The following GABRB3 variants were observed in gnomAD, a reference collection of about 807,000 sequenced individuals.
GABRB3 encodes gamma-aminobutyric acid receptor subunit beta-3.
GABRB3 carries 14 observed loss-of-function variants against 52.1 expected under a neutral mutation model. The ratio of observed to expected loss-of-function variants is 0.27; its 90% CI spans 0.18 to 0.42. GABRB3 has a LOEUF of 0.42. GABRB3 is among the 10% of genes least tolerant of loss of function. The pLI is 1.00. For synonymous variants in GABRB3, 260 were observed against 232.3 expected, an observed-to-expected ratio of 1.12 and a Z score of -1.08; for missense variants, 307 against 609.1, an observed-to-expected ratio of 0.50 and a Z score of 5.22.
intron 4 of GABRB3, among the ~76,000 whole-genome samples, chr15:26,589,933 G>A (rs977936429): frequency 2.6e-5 from 4 of 152,146 alleles, no homozygotes; most frequent in East Asian, 1.9e-4. Context: ...TGGCTTTAAT[G>A]TCCCAAATGT....
intron 3 of GABRB3, among the ~76,000 whole-genome samples, chr15:26,682,103 G>A (rs1215754383): frequency 6.6e-6 from 1 of 152,000 alleles, no homozygotes. Context: ...TTTACCCTTA[G>A]GTTTGTCCTT....
chr15:26,726,059 T>C (rs1889762767), intron 3 of GABRB3, among the ~76,000 whole-genome samples: 1 of 152,280 alleles, frequency 6.6e-6, no homozygotes, highest in South Asian at 2.1e-4. Flanking sequence ...AATCTGGGTG[T>C]GCTGGGCATG....
intron 3 of GABRB3, chr15:26,624,130 C>T (rs1056831044): frequency 7.5e-6 from 7 of 936,602 alleles, no homozygotes; most frequent in Non-Finnish European, 7.6e-6. Flanking sequence ...GAAAGGTTCT[C>T]GGACACTGGG....
intron 3 of GABRB3, among the ~76,000 whole-genome samples, chr15:26,755,407 C>G (rs994459551): frequency 6.6e-6 from 1 of 152,106 alleles, no homozygotes; most frequent in Non-Finnish European, 1.5e-5. Context: ...GTCTGAATGA[C>G]TAAACCAAAA....
intron 3 of GABRB3, among the ~76,000 whole-genome samples, chr15:26,717,571 C>T (rs1315719643): frequency 3.3e-5 from 5 of 152,328 alleles, no homozygotes; most frequent in African/African-American, 7.2e-5. Context: ...TTCCCAACAA[C>T]GCTCATCCAG....
intron 3 of GABRB3, among the ~76,000 whole-genome samples, chr15:26,687,708 A>G (rs929255527): frequency 6.6e-6 from 1 of 152,238 alleles, no homozygotes; most frequent in Non-Finnish European, 1.5e-5. Flanking sequence ...AAAATGGGGC[A>G]GGTCTTGCAT....
chr15:26,662,961 T>A (rs1259553990), intron 3 of GABRB3, among the ~76,000 whole-genome samples: 2 of 152,234 alleles, frequency 1.3e-5, no homozygotes, highest in Non-Finnish European at 2.9e-5. Flanking sequence ...CCCCCAAGGC[T>A]GTCATCTGGC....
At chr15:26,640,495 C>T (rs1429472148) in intron 3 of GABRB3, among the ~76,000 whole-genome samples, 4 of 151,826 alleles carry the variant, frequency 2.6e-5, no homozygotes, top group Non-Finnish European at 5.9e-5. Flanking sequence ...CCAGCCTGGG[C>T]GACAGAGCGA....
intron 3 of GABRB3, among the ~76,000 whole-genome samples, chr15:26,649,732 G>A (rs903750790): frequency 4.0e-5 from 6 of 150,574 alleles, no homozygotes; most frequent in Admixed American, 1.3e-4. Context: ...GAGAAGATAA[G>A]TCGATAAAAG....
chr15:26,642,580 T>C, intron 3 of GABRB3: 1 of 1,050,422 alleles, frequency 9.5e-7, no homozygotes, highest in Admixed American at 2.3e-5. Context: ...GTTCTCATGC[T>C]AAAAATAGTC....
rs529399494 is a variant in GABRB3 at position 26,728,166 on chromosome 15, C to T, written c.240+44236G>A. ...GGGAAACAACTGAGGGATTCTCTGT[C>T]AAATGGCTTATGATACCTCATTCTA... On this transcript the variant is annotated intron_variant, in intron 3 of 8. Coordinates refer to ENST00000311550, the MANE Select transcript of GABRB3 (RefSeq NM_000814.6). Among the ~76,000 whole-genome samples, 11 of 152,286 alleles carry T rather than the reference C, an allele frequency of 7.2e-5. No homozygotes were observed. The East Asian group carries it at 1.9e-3, about 27-fold the overall frequency.
chr15:26,725,674 GT>G (rs1467874370), intron 3 of GABRB3, among the ~76,000 whole-genome samples: 1 of 152,056 alleles, frequency 6.6e-6, no homozygotes, highest in Non-Finnish European at 1.5e-5. Flanking sequence ...CAAATTTGGA[GT>G]TTTTTTCATA....
At chr15:26,743,319 C>T (rs1451109854) in intron 3 of GABRB3, among the ~76,000 whole-genome samples, 3 of 152,094 alleles carry the variant, frequency 2.0e-5, no homozygotes, top group Non-Finnish European at 4.4e-5. Flanking sequence ...CAGCCCCTAA[C>T]ACACCCCTCA....
Position 26,546,108 on chromosome 15 carries a change from T to G in GABRB3, c.*1685A>C, listed in dbSNP as rs1387490743. 6.6e-6 allele frequency: 1 copy of G among 152,604 alleles called. No individual in the cohort carries two copies. Among genetic ancestry groups the G allele is most frequent in the Admixed American group, 6.5e-5 (1 of 15,276 alleles). The allele number at this position is 152,604 out of a possible 1,614,324, so 9.5% of individuals were successfully genotyped here. A position where few individuals can be genotyped will look rare whatever the true frequency, so the allele number is the denominator to read the frequency against. The stretch of plus-strand genomic sequence containing the variant: ...ATTGGAGCACTCTGGTCCTTGGTTT[T>G]GGATAGAACAGAGAGGGTGAGGCAT... On this transcript the variant is annotated 3_prime_UTR_variant, in exon 9 of 9. Transcript: ENST00000311550.
chr15:26,772,536 TG>T, intron 2 of GABRB3, 67 bp from the exon 3 acceptor site: 4 of 1,536,414 alleles, frequency 2.6e-6, no homozygotes, highest in Admixed American at 1.9e-5. Flanking sequence ...CTCTGAGGAC[TG>T]GGGGCTATCC....
intron 4 of GABRB3, chr15:26,614,865 T>C (rs561350230): frequency 2.0e-5 from 3 of 152,226 alleles, no homozygotes; most frequent in Non-Finnish European, 2.9e-5. Context: ...AACTTTATAA[T>C]GTACTGTCCA....
chr15:26,691,326 C>A lies in GABRB3; in HGVS notation c.241-69792G>T, dbSNP rs529029192. Among the ~76,000 whole-genome samples the A allele has an allele frequency of 1.3e-5, 2 of 152,208 alleles. 1 individual carries two copies. Among genetic ancestry groups the A allele is most frequent in the African/African-American group, 4.8e-5 (2 of 41,534 alleles). Reference sequence around the variant, plus strand: ...TCCTGGTACGGAAGGAAAGAACCATCAAGATGCAAAGACGGGGAAGAAAAA... The same window carrying A: ...TCCTGGTACGGAAGGAAAGAACCATAAAGATGCAAAGACGGGGAAGAAAAA... On this transcript the variant is annotated intron_variant, in intron 3 of 8. Transcript: ENST00000311550.
At chr15:26,741,045 A>AGAGTGTGT (rs1197618046) in intron 3 of GABRB3, among the ~76,000 whole-genome samples, 1 of 55,222 alleles carries the variant, frequency 1.8e-5, no homozygotes, top group Non-Finnish European at 5.5e-5. Flanking sequence ...GGGAGGAATA[A>AGAGTGTGT]GTGTGTGTGT....
In GABRB3 at chr15:26,717,124, C is replaced by A. The variant is rs1160109182; in HGVS notation, c.240+55278G>T. Among the ~76,000 whole-genome samples, 41 of 139,172 alleles carry A rather than the reference C, an allele frequency of 2.9e-4. 2 individuals are homozygous for A. Among genetic ancestry groups the A allele is most frequent in the Non-Finnish European group, 5.1e-4 (32 of 62,620 alleles). The allele number at this position is 139,172 out of a possible 152,430, so 91.3% of individuals were successfully genotyped here. ...CAGCCCAGTTCTGGGGACATCCGCC[C>A]AATGACAGCCCAGCTCTGAGGACCT... On this transcript the variant is annotated intron_variant, in intron 3 of 8. Coordinates refer to ENST00000311550, the MANE Select transcript of GABRB3 (RefSeq NM_000814.6).
Sources: gnomAD v4.1 joint callset for allele counts (sites outside exome capture counted in the v4.1 genomes callset) on GRCh38, gnomAD v4.1.1 for gene constraint, MANE v1.5 for transcripts, NCBI Gene and HGNC (gene_info 2026-07-23, HGNC 2026-07-21) for gene names.